CARS2: variants seen among roughly 807,000 people sequenced by gnomAD.
CARS2 encodes probable cysteine--tRNA ligase, mitochondrial.
In CARS2, 52 loss-of-function variants were observed where a neutral mutation model predicts 68.8. The ratio of observed to expected loss-of-function variants is 0.76; its 90% confidence interval spans 0.61 to 0.95. The LOEUF is 0.95. CARS2 is among the 40% of genes least tolerant of loss of function. The pLI is 0.00. For missense variants in CARS2, 780 were observed against 754.2 expected (o/e 1.03, Z -0.40); for synonymous variants, 314 against 303.6 (o/e 1.03, Z -0.36).
intron 10 of CARS2, chr13:110,648,184 T>G (rs1888393642): frequency 6.6e-6 from 1 of 152,222 alleles, no homozygotes; most frequent in African/African-American, 2.4e-5. Flanking sequence ...TAAATTCACT[T>G]TCAGTTTTTG....
intron 9 of CARS2, among the ~76,000 whole-genome samples, chr13:110,660,302 C>T (rs1371824983): frequency 6.6e-6 from 1 of 152,152 alleles, no homozygotes; most frequent in Non-Finnish European, 1.5e-5. Context: ...GAGAGTTGGA[C>T]TTAACTTCTT....
chr13:110,658,821 C>T (rs1224971985), intron 9 of CARS2, among the ~76,000 whole-genome samples: 8 of 151,880 alleles, frequency 5.3e-5, no homozygotes, highest in Non-Finnish European at 8.8e-5. Flanking sequence ...CCCAGCTACT[C>T]GGTAGGCTGA....
At chr13:110,663,368 G>A in intron 9 of CARS2, 83 bp downstream of exon 9, 1 of 1,366,572 alleles carries the variant, frequency 7.3e-7, no homozygotes, top group Non-Finnish European at 1.0e-6. Context: ...GGGATTCCGT[G>A]GTTCTCAAAT....
chr13:110,705,494 A>T lies in CARS2; in HGVS notation c.275+27T>A. The T allele has an allele frequency of 1.9e-6, 3 of 1,546,288 alleles. No homozygotes were observed. The highest frequency in any genetic ancestry group is 2.6e-6 in the Non-Finnish European group (3 of 1,136,562). ...TCAAAAATAAATGGTCCTTTGAAGT[A>T]TGAAAATTCAAATCCAGGAAACTCA... On this transcript the variant is annotated intron_variant, in intron 2 of 14. Coordinates refer to ENST00000257347, the MANE Select transcript of CARS2 (RefSeq NM_024537.4). This position sits in a 1 kb window ranked among gnomAD's most constrained non-coding sequence, Gnocchi z 4.0.
At chr13:110,698,667 C>T (rs957606965) in intron 3 of CARS2, among the ~76,000 whole-genome samples, 2 of 151,988 alleles carry the variant, frequency 1.3e-5, no homozygotes, top group African/African-American at 4.8e-5. Context: ...AGTGATTAGG[C>T]CGTGAGGGCC....
intron 2 of CARS2, among the ~76,000 whole-genome samples, chr13:110,703,761 C>T (rs2063859295): frequency 6.6e-6 from 1 of 152,260 alleles, no homozygotes; most frequent in Non-Finnish European, 1.5e-5. Flanking sequence ...CCCCGTTTCC[C>T]AGTGTCCTGG....
At chr13:110,663,967 G>A (rs2062578675) in intron 8 of CARS2, 2 of 989,802 alleles carry the variant, frequency 2.0e-6, no homozygotes, top group African/African-American at 1.7e-5. Context: ...TGGCACTTGT[G>A]GGTCTCTGAG....
At chr13:110,694,061 C>G (rs1378033971) in intron 3 of CARS2, among the ~76,000 whole-genome samples, 1 of 151,716 alleles carries the variant, frequency 6.6e-6, no homozygotes, top group African/African-American at 2.4e-5. Context: ...TAGTTTTGCT[C>G]TTGTTGCCCA....
chr13:110,693,316 G>C (rs776849503), intron 3 of CARS2, among the ~76,000 whole-genome samples: 2 of 152,088 alleles, frequency 1.3e-5, no homozygotes, highest in South Asian at 4.2e-4. Flanking sequence ...ACAAGGAGTT[G>C]TAAGTGGAAT....
At position 110,688,028 on chromosome 13, in the gene CARS2, G is replaced by A. The variant is rs1294731262; in HGVS notation, c.394-10C>T. The A allele has an allele frequency of 6.3e-7, 1 of 1,594,250 alleles. No individual in the cohort carries two copies. Among genetic ancestry groups the A allele is most frequent in the Middle Eastern group, 2.2e-4 (1 of 4,524 alleles). On this transcript the variant is annotated splice_polypyrimidine_tract_variant and intron_variant, in intron 3 of 14. Coordinates refer to ENST00000257347, the MANE Select transcript of CARS2 (RefSeq NM_024537.4). ...CGGGGGAAATATTCATCTGCAGAAG[G>A]ATTAGATGTGCACGTTAATGAGTCT...
chr13:110,654,742 ACTTCGTCT>A (rs2062316608), intron 9 of CARS2, among the ~76,000 whole-genome samples: 1 of 151,790 alleles, frequency 6.6e-6, no homozygotes, highest in Non-Finnish European at 1.5e-5. Context: ...ACATAGTGAG[ACTTCGTCT>A]CTAGAAAAAA....
chr13:110,713,199 C>G lies in CARS2; in HGVS notation n.337G>C, dbSNP rs367819821. 88 of 1,423,346 alleles carry G rather than the reference C, an allele frequency of 6.2e-5. 1 individual carries two copies. Among genetic ancestry groups the G allele is most frequent in the Non-Finnish European group, 5.1e-5 (56 of 1,093,348 alleles). 88.2% of individuals were successfully genotyped at this position (1,423,346 alleles called of 1,614,324 possible). A position where few individuals can be genotyped will look rare whatever the true frequency, so the allele number is the denominator to read the frequency against. Reference sequence around the variant, plus strand: ...AAAGTGATGTTGGCAAGTAGATTGGCTACTGCGGTTGCCAGTTCTGTTTCG... The same window carrying G: ...AAAGTGATGTTGGCAAGTAGATTGGGTACTGCGGTTGCCAGTTCTGTTTCG... On this transcript the variant is annotated non_coding_transcript_exon_variant, in exon 1 of 3. Coordinates refer to the CARS2 transcript ENST00000485188.
chr13:110,652,699 G>T (rs2139706552), intron 9 of CARS2, among the ~76,000 whole-genome samples: 1 of 152,340 alleles, frequency 6.6e-6, no homozygotes, highest in East Asian at 1.9e-4. Context: ...GCATTCTCAT[G>T]TGGGGTGGCG....
chr13:110,712,754 A>G (rs1043632293), intron 1 of CARS2: 3 of 704,308 alleles, frequency 4.3e-6, no homozygotes, highest in Non-Finnish European at 5.2e-6. Context: ...AACGGTGTCC[A>G]TGACACAGGG....
chr13:110,679,603 G>GAT (rs2063092007), intron 6 of CARS2, among the ~76,000 whole-genome samples: 1 of 84,940 alleles, frequency 1.2e-5, no homozygotes, highest in Non-Finnish European at 2.3e-5. Context: ...AAGAAAGAGA[G>GAT]AGAGAGAGAG....
upstream of CARS2, among the ~76,000 whole-genome samples, chr13:110,706,709 C>T (rs571500011): frequency 6.6e-6 from 1 of 151,328 alleles, no homozygotes; most frequent in Non-Finnish European, 1.5e-5. Flanking sequence ...CAATGTGCAA[C>T]CCAACACACA....
intron 3 of CARS2, among the ~76,000 whole-genome samples, chr13:110,690,074 A>G (rs1194958999): frequency 3.9e-5 from 6 of 152,158 alleles, no homozygotes; most frequent in African/African-American, 1.4e-4. Flanking sequence ...TGAAAATACA[A>G]AAAATCAGCT....
intron 7 of CARS2, among the ~76,000 whole-genome samples, chr13:110,674,862 G>T (rs1299632157): frequency 6.6e-6 from 1 of 152,022 alleles, no homozygotes; most frequent in Non-Finnish European, 1.5e-5. Flanking sequence ...AAATTTACAA[G>T]AAAAAATCAA....
At chr13:110,680,256 G>T (rs997487395) in intron 6 of CARS2, among the ~76,000 whole-genome samples, 3 of 152,060 alleles carry the variant, frequency 2.0e-5, no homozygotes, top group Non-Finnish European at 1.5e-5. Flanking sequence ...GCTGGGTGTG[G>T]TGGCATGCCC....
Sources: allele counts gnomAD v4.1 joint callset (sites outside exome capture counted in the v4.1 genomes callset), GRCh38; gene constraint gnomAD v4.1.1; non-coding constraint Gnocchi (gnomAD v3.1); transcripts MANE v1.5; gene names NCBI Gene and HGNC (gene_info 2026-07-23, HGNC 2026-07-21).